The following RBM27 variants were observed in gnomAD, a reference collection of about 807,000 sequenced individuals.
RBM27 encodes RNA binding motif protein 27, also known as RNA-binding protein 27.
Under a neutral mutation model 135.3 loss-of-function variants are expected in RBM27, and 22 were observed. The ratio of observed to expected loss-of-function variants is 0.16; its 90% CI spans 0.12 to 0.23. RBM27 has a LOEUF of 0.23. Ranked by LOEUF, RBM27 falls within the 10% of genes least tolerant of loss-of-function variation. The pLI is 1.00. For synonymous variants in RBM27, 481 were observed against 442.4 expected, an observed-to-expected ratio of 1.09 and a Z score of -1.10; for missense variants, 1,009 against 1,281.0, an observed-to-expected ratio of 0.79 and a Z score of 3.24.
chr5:146,276,744 T>TCA (rs1264848411), intron 19 of RBM27, among the ~76,000 whole-genome samples: 1 of 152,216 alleles, frequency 6.6e-6, no homozygotes, highest in Non-Finnish European at 1.5e-5. Flanking sequence ...TGATTGCCCT[T>TCA]CATCAGACCT....
At chr5:146,276,471 C>T (rs1410144396) in intron 19 of RBM27, among the ~76,000 whole-genome samples, 4 of 152,096 alleles carry the variant, frequency 2.6e-5, no homozygotes, top group Non-Finnish European at 5.9e-5. Context: ...CCTGTCATTC[C>T]TGGAACTTCA....
At chr5:146,249,708 G>C (rs1392641179) in intron 8 of RBM27, among the ~76,000 whole-genome samples, 1 of 131,360 alleles carries the variant, frequency 7.6e-6, no homozygotes, top group Non-Finnish European at 1.7e-5. Context: ...AAAAGAAAAA[G>C]TAAAAAAAAA....
chr5:146,239,297 T>C (rs544226637), intron 8 of RBM27, among the ~76,000 whole-genome samples: 2 of 152,236 alleles, frequency 1.3e-5, no homozygotes, highest in Non-Finnish European at 1.5e-5. Flanking sequence ...CTTGACACCA[T>C]TATGTTTTAT....
intron 1 of RBM27, among the ~76,000 whole-genome samples, chr5:146,207,396 A>G (rs1255867686): frequency 6.7e-6 from 1 of 149,988 alleles, no homozygotes; most frequent in Non-Finnish European, 1.5e-5. Context: ...TGTATTTTTT[A>G]GTAGAGAGGG....
intron 1 of RBM27, among the ~76,000 whole-genome samples, chr5:146,211,078 G>T (rs1049046344): frequency 2.0e-5 from 3 of 152,046 alleles, no homozygotes; most frequent in Admixed American, 2.0e-4. Flanking sequence ...TTCGAGACCA[G>T]CCTGGACAAT....
At position 146,286,514 on chromosome 5, in the gene RBM27, G is replaced by A. The variant is rs1417768112; in HGVS notation, c.*484G>A. Reference sequence around the variant, plus strand: ...AAGAGTGGTCTTGGAAGAAAAATATGTTTATTTTAATTTTAATTTTTTTTT... The same window carrying A: ...AAGAGTGGTCTTGGAAGAAAAATATATTTATTTTAATTTTAATTTTTTTTT... On this transcript the variant is annotated 3_prime_UTR_variant, in exon 21 of 21. Transcript: ENST00000265271. The A allele has an allele frequency of 6.6e-6, 1 of 150,714 alleles. No homozygotes were observed. Among genetic ancestry groups the A allele is most frequent in the Non-Finnish European group, 1.5e-5 (1 of 67,732 alleles). The allele number at this position is 150,714 out of a possible 1,614,324, so 9.3% of individuals were successfully genotyped here. A position where few individuals can be genotyped will look rare whatever the true frequency, so the allele number is the denominator to read the frequency against.
At chr5:146,224,009 C>A (rs746621491) in intron 3 of RBM27, among the ~76,000 whole-genome samples, 12 of 152,238 alleles carry the variant, frequency 7.9e-5, no homozygotes, top group Non-Finnish European at 1.5e-4. Flanking sequence ...AGTATGAAAA[C>A]ATGGTTATAG....
At chr5:146,228,005 C>T (rs2895652) in intron 3 of RBM27, among the ~76,000 whole-genome samples, 14,984 of 152,024 alleles carry the variant, frequency 0.099, 992 homozygotes, top group African/African-American at 0.19. Context: ...AAAACATAAC[C>T]GTTTTACTCT....
intron 13 of RBM27, among the ~76,000 whole-genome samples, chr5:146,262,454 A>T (rs548228546): frequency 2.6e-5 from 4 of 152,366 alleles, no homozygotes; most frequent in Middle Eastern, 3.4e-3. Flanking sequence ...TGTCTGGTAC[A>T]TATTGCTCAA....
chr5:146,238,612 A>G (rs1757268719), intron 8 of RBM27, among the ~76,000 whole-genome samples: 1 of 151,180 alleles, frequency 6.6e-6, no homozygotes, highest in South Asian at 2.1e-4. Flanking sequence ...CTTCAAAAAC[A>G]TTTTTTAAAA....
intron 19 of RBM27, among the ~76,000 whole-genome samples, chr5:146,278,664 G>C (rs1248760920): frequency 6.6e-6 from 1 of 151,728 alleles, no homozygotes; most frequent in African/African-American, 2.4e-5. Context: ...GTATTTCATT[G>C]CACAGATATA....
In RBM27 at chr5:146,223,011, T is replaced by G. The variant is rs112104882; in HGVS notation, c.179-392T>G. ...GTTTTTATTTTTTTCAGTTTCTTTA[T>G]GCAGATAGATAGAAACACATATAAA... is the stretch of plus-strand genomic sequence containing the variant. On this transcript the variant is annotated intron_variant, in intron 2 of 20. Coordinates refer to ENST00000265271, the MANE Select transcript of RBM27 (RefSeq NM_018989.2). Among the ~76,000 whole-genome samples the G allele has an allele frequency of 5.4e-3, 823 of 152,322 alleles. 4 individuals carry two copies. The highest frequency in any genetic ancestry group is 0.019 in the African/African-American group (782 of 41,568).
At chr5:146,232,701 T>G (rs2053045) in intron 6 of RBM27, among the ~76,000 whole-genome samples, 35,269 of 152,070 alleles carry the variant, frequency 0.23, 4,613 homozygotes, top group Admixed American at 0.34. Flanking sequence ...CCTGAGTAGC[T>G]GGGACTACAA....
At chr5:146,203,880 G>GGGCGTGGGGGAGGGGAGGT (rs981679565) in intron 1 of RBM27, 56 bp downstream of exon 1, 1 of 1,471,716 alleles carries the variant, frequency 6.8e-7, no homozygotes, top group African/African-American at 1.4e-5. Flanking sequence ...GGGCTCGCGG[G>GGGCGTGGGGGAGGGGAGGT]GGCGTGGGGG....
chr5:146,212,713 A>G (rs1756019393), intron 1 of RBM27, among the ~76,000 whole-genome samples: 2 of 151,356 alleles, frequency 1.3e-5, no homozygotes, highest in African/African-American at 4.9e-5. Context: ...ATAGTATATT[A>G]CATATATATT....
Position 146,260,911 on chromosome 5 carries a change from A to AT in RBM27, c.1893+14dup. The AT allele has an allele frequency of 6.2e-7, 1 of 1,601,086 alleles. No homozygotes were observed. The highest frequency in any genetic ancestry group is 8.5e-7 in the Non-Finnish European group (1 of 1,175,646). On this transcript the variant is annotated intron_variant, in intron 12 of 20. Transcript: ENST00000265271. ...TGTTAATATCCAGGTAAATGTGGCT[A>AT]TGTCAGTGACAGAATCCAGGCATTT...
At chr5:146,217,715 A>T (rs1392622028) in intron 1 of RBM27, among the ~76,000 whole-genome samples, 1 of 151,730 alleles carries the variant, frequency 6.6e-6, no homozygotes, top group Non-Finnish European at 1.5e-5. Context: ...TTGCTTGCAT[A>T]ATGGTTTTAC....
intron 1 of RBM27, among the ~76,000 whole-genome samples, chr5:146,204,534 T>G (rs974569772): frequency 6.6e-6 from 1 of 152,074 alleles, no homozygotes; most frequent in Non-Finnish European, 1.5e-5. Flanking sequence ...TTTAGATACA[T>G]AGAGGTTGGA....
intron 10 of RBM27, among the ~76,000 whole-genome samples, chr5:146,258,108 C>A (rs571238882): frequency 6.6e-6 from 1 of 152,018 alleles, no homozygotes; most frequent in Non-Finnish European, 1.5e-5. Flanking sequence ...CGTGAGCCAC[C>A]GTGCCTGGCC....
Sources: gnomAD v4.1 joint callset for allele counts (sites outside exome capture counted in the v4.1 genomes callset) on GRCh38, gnomAD v4.1.1 for gene constraint, MANE v1.5 for transcripts, NCBI Gene and HGNC (gene_info 2026-07-23, HGNC 2026-07-21) for gene names.